Variants in ZNF121 observed in about 807,000 individuals in gnomAD.
ZNF121 encodes zinc finger protein 121, also known as zinc finger protein 121 (clone ZHC32).
Under a neutral mutation model 2.4 loss-of-function variants are expected in ZNF121, and 1 was observed. The observed-to-expected ratio is 0.41, with a 90% CI of 0.15 to 1.94. ZNF121 has a LOEUF of 1.94. Among genes scored for constraint, ZNF121 ranks in the 30% most tolerant of loss-of-function variants. The probability of loss-of-function intolerance (pLI) is 0.30; values close to 1 mark genes in which losing one functional copy is unlikely to be tolerated. For synonymous variants in ZNF121, 173 were observed against 158.6 expected (o/e 1.09, Z -0.68); for missense variants, 369 against 466.3 (o/e 0.79, Z 1.92).
intron 1 of ZNF121, among the ~76,000 whole-genome samples, chr19:9,579,327 C>A (rs1453308970): frequency 6.6e-6 from 1 of 152,018 alleles, no homozygotes; most frequent in East Asian, 1.9e-4. Flanking sequence ...GTGGGAGGAT[C>A]ACTTGAGCCC....
At chr19:9,580,078 G>A (rs181789828) in intron 1 of ZNF121, among the ~76,000 whole-genome samples, 55 of 152,138 alleles carry the variant, frequency 3.6e-4, no homozygotes, top group Middle Eastern at 3.4e-3. Flanking sequence ...GGATCACGAC[G>A]TCAGGAGATT....
chr19:9,582,302 G>A (rs913931017), intron 1 of ZNF121, among the ~76,000 whole-genome samples: 2 of 152,132 alleles, frequency 1.3e-5, no homozygotes, highest in African/African-American at 2.4e-5. Context: ...AAGAAGAAGC[G>A]AAAATAGCTA....
At chr19:9,568,658 GCCACCATGC>G (rs1408053716) in intron 2 of ZNF121, among the ~76,000 whole-genome samples, 1 of 152,090 alleles carries the variant, frequency 6.6e-6, no homozygotes, top group Non-Finnish European at 1.5e-5. Flanking sequence ...ACAGGCATAA[GCCACCATGC>G]CCAGCAATTT....
In ZNF121 at chr19:9,566,681, G is replaced by A. The variant is rs578256280; in HGVS notation, c.432C>T (p.Tyr144=). ...SVKMHTVEKP[Y]ECKECGKFFR... ...AGAATTTTCCACATTCCTTACATTC[G>A]TAGGGTTTTTCTACAGTATGCATTT... Residue 144 remains tyrosine, a synonymous_variant, in exon 4 of 4, where the codon TAC becomes TAT. Transcript: ENST00000320451. 7.1e-5 allele frequency: 114 copies of A among 1,614,138 alleles called. No homozygotes were observed. Among genetic ancestry groups the A allele is most frequent in the East Asian group, 2.2e-4 (10 of 44,884 alleles).
intron 1 of ZNF121, among the ~76,000 whole-genome samples, chr19:9,572,931 C>T (rs2074184124): frequency 1.3e-5 from 2 of 152,120 alleles, no homozygotes; most frequent in Admixed American, 1.3e-4. Context: ...GGGAGGATTG[C>T]TTCAGCCTGG....
intron 3 of ZNF121, chr19:9,567,831 G>A (rs2074144504): frequency 2.9e-6 from 1 of 347,302 alleles, no homozygotes; most frequent in East Asian, 4.5e-5. Flanking sequence ...ACTGACAGGT[G>A]GAGTATATGA....
chr19:9,567,572 C>A, intron 3 of ZNF121: 1 of 239,786 alleles, frequency 4.2e-6, no homozygotes. Flanking sequence ...CATGATTCAA[C>A]AACATTACAT....
At chr19:9,576,206 T>C (rs1022416288) in intron 1 of ZNF121, among the ~76,000 whole-genome samples, 1 of 152,090 alleles carries the variant, frequency 6.6e-6, no homozygotes, top group Non-Finnish European at 1.5e-5. Context: ...GGAACCTTGA[T>C]TCACAGGCTC....
At chr19:9,582,547 C>T (rs1158247152) in intron 1 of ZNF121, among the ~76,000 whole-genome samples, 1 of 152,140 alleles carries the variant, frequency 6.6e-6, no homozygotes, top group African/African-American at 2.4e-5. Flanking sequence ...TTTGCTGACT[C>T]CTTTTCTGAA....
chr19:9,581,884 T>A (rs1163514741), intron 1 of ZNF121, among the ~76,000 whole-genome samples: 6 of 152,192 alleles, frequency 3.9e-5, no homozygotes, highest in Non-Finnish European at 7.3e-5. Context: ...ACAGTGCTAT[T>A]TTTTTAGGCG....
chr19:9,581,599 A>G (rs1463954449), intron 1 of ZNF121, among the ~76,000 whole-genome samples: 1 of 152,170 alleles, frequency 6.6e-6, no homozygotes, highest in Non-Finnish European at 1.5e-5. Flanking sequence ...AAGATTGATG[A>G]GATTATTTGA....
intron 1 of ZNF121, among the ~76,000 whole-genome samples, chr19:9,572,066 A>C (rs2074178125): frequency 6.6e-6 from 1 of 152,220 alleles, no homozygotes; most frequent in Admixed American, 6.5e-5. Context: ...CCCTGCCTGA[A>C]AATACCTTAG....
intron 3 of ZNF121, chr19:9,567,536 T>C (rs2074142381): frequency 4.5e-6 from 1 of 222,026 alleles, no homozygotes; most frequent in South Asian, 6.8e-5. Flanking sequence ...AGGGGTGGAA[T>C]AGGGGTGGGA....
In ZNF121 at chr19:9,563,848, T is replaced by C. The variant is rs192476288; in HGVS notation, c.*2092A>G. 10 of 152,358 alleles carry C rather than the reference T, an allele frequency of 6.6e-5. No homozygotes were observed. In the East Asian group the frequency reaches 1.7e-3, roughly 26 times the overall value. 9.4% of individuals were successfully genotyped at this position (152,358 alleles called of 1,614,324 possible). On this transcript the variant is annotated 3_prime_UTR_variant, in exon 4 of 4. Transcript: ENST00000320451. ...TATGCTACATCTACTCTTCCTGTGGTATCTATTTACATCTATTTACAGCAT... is the reference window on the plus strand; with the variant it reads ...TATGCTACATCTACTCTTCCTGTGGCATCTATTTACATCTATTTACAGCAT...
chr19:9,562,595 CTCT>C lies in ZNF121; in HGVS notation c.*3342_*3344del, dbSNP rs71185608. The stretch of plus-strand genomic sequence containing the variant: ...ACTGGCCACTCTCCCCTCTCTCCTC[CTCT>C]TCCCAGGCCTCCTAATTCCCTGAGG... On this transcript the variant is annotated 3_prime_UTR_variant, in exon 4 of 4. Coordinates refer to ENST00000320451, the MANE Select transcript of ZNF121 (RefSeq NM_001008727.5). 64,751 of 155,138 alleles carry C rather than the reference CTCT, an allele frequency of 0.42. 15,381 individuals are homozygous for C. Among genetic ancestry groups the C allele is most frequent in the Non-Finnish European group, 0.54 (36,676 of 68,432 alleles). 9.6% of individuals were successfully genotyped at this position (155,138 alleles called of 1,614,324 possible).
chr19:9,572,242 A>T (rs953050569), intron 1 of ZNF121, among the ~76,000 whole-genome samples: 1 of 152,220 alleles, frequency 6.6e-6, no homozygotes, highest in Admixed American at 6.5e-5. Flanking sequence ...TTCTGGGGCT[A>T]CAAAGAAGTG....
intron 1 of ZNF121, among the ~76,000 whole-genome samples, chr19:9,572,106 C>T (rs375903527): frequency 4.6e-5 from 7 of 152,118 alleles, no homozygotes; most frequent in African/African-American, 1.7e-4. Flanking sequence ...GCAGCATTTA[C>T]GGTTCCAAAA....
intron 1 of ZNF121, among the ~76,000 whole-genome samples, chr19:9,574,605 C>T (rs1599739748): frequency 6.6e-6 from 1 of 152,178 alleles, no homozygotes; most frequent in African/African-American, 2.4e-5. Context: ...GGAATGGAAC[C>T]TCACATTTTG....
intron 1 of ZNF121, among the ~76,000 whole-genome samples, chr19:9,578,028 TAA>T (rs577090795): frequency 8.8e-6 from 1 of 114,096 alleles, no homozygotes; most frequent in African/African-American, 2.9e-5. Flanking sequence ...CCATCTCTAC[TAA>T]AAAAAAAAAT....
Sources: allele counts gnomAD v4.1 joint callset (sites outside exome capture counted in the v4.1 genomes callset), GRCh38; gene constraint gnomAD v4.1.1; transcripts MANE v1.5; gene names NCBI Gene and HGNC (gene_info 2026-07-23, HGNC 2026-07-21).